PPP1R1C: variants seen among roughly 807,000 people sequenced by gnomAD.
The protein encoded by PPP1R1C is protein phosphatase 1 regulatory subunit 1C.
A neutral mutation model predicts 17.4 loss-of-function variants in PPP1R1C; 15 were observed. That is an observed-to-expected ratio of 0.86 (90% CI 0.58 to 1.33). The LOEUF (loss-of-function observed/expected upper bound fraction) is 1.33, where lower values mean the gene tolerates loss of function less well. PPP1R1C is among the 40% of genes most tolerant of loss of function. The pLI, the probability that PPP1R1C is intolerant of heterozygous loss-of-function variation, is 0.00. For synonymous variants in PPP1R1C, 35 were observed against 43.1 expected, an observed-to-expected ratio of 0.81 and a Z score of 0.73; for missense variants, 143 against 130.0, an observed-to-expected ratio of 1.10 and a Z score of -0.48.
exon 6 of PPP1R1C, chr2:182,129,998 A>G (rs1365903041): frequency 6.6e-6 from 1 of 152,152 alleles, no homozygotes; most frequent in Non-Finnish European, 1.5e-5. Flanking sequence ...TAATAAAAAA[A>G]GTACATGGTT....
intron 1 of PPP1R1C, among the ~76,000 whole-genome samples, chr2:181,958,004 G>T (rs1684699353): frequency 6.6e-6 from 1 of 152,206 alleles, no homozygotes; most frequent in Non-Finnish European, 1.5e-5. Context: ...ATTTTGAAGG[G>T]TAGTGAGGGA....
chr2:181,968,167 CT>C (rs1684939235), intron 1 of PPP1R1C, among the ~76,000 whole-genome samples: 1 of 152,138 alleles, frequency 6.6e-6, no homozygotes, highest in Admixed American at 6.5e-5. Context: ...ATTATGTATT[CT>C]TTAGTTGTTG....
At chr2:182,116,614 A>C (rs2125237551) in intron 4 of PPP1R1C, among the ~76,000 whole-genome samples, 1 of 152,340 alleles carries the variant, frequency 6.6e-6, no homozygotes, top group East Asian at 1.9e-4. Context: ...GAAATGGTAG[A>C]GAGCCCAGAT....
intron 4 of PPP1R1C, among the ~76,000 whole-genome samples, chr2:182,101,465 C>A (rs190748221): frequency 1.3e-5 from 2 of 152,224 alleles, no homozygotes; most frequent in East Asian, 3.9e-4. Flanking sequence ...GTGGTGATTT[C>A]TTTTTACTGC....
rs1314148177 is a variant in PPP1R1C, at chr2:182,063,815, G to A, written c.241+24G>A. On this transcript the variant is annotated intron_variant, in intron 4 of 4. Transcript: ENST00000682840. ...AGGTACTGTTCAGGTACTGTTTCGG[G>A]TTGTCATGAGTGGTGAATCATGGCT... is the stretch of plus-strand genomic sequence containing the variant. 1.5e-5 allele frequency: 24 copies of A among 1,594,792 alleles called. No homozygotes were observed. In the Middle Eastern group the frequency reaches 1.2e-3, roughly 77 times the overall value.
At chr2:181,971,663 A>G (rs914518925) in intron 1 of PPP1R1C, among the ~76,000 whole-genome samples, 1 of 152,146 alleles carries the variant, frequency 6.6e-6, no homozygotes, top group African/African-American at 2.4e-5. Flanking sequence ...TCCTTGAGGC[A>G]TAGATTGCCT....
chr2:182,121,877 T>G (rs985974044), downstream of PPP1R1C, among the ~76,000 whole-genome samples: 3 of 152,140 alleles, frequency 2.0e-5, no homozygotes, highest in Non-Finnish European at 4.4e-5. Flanking sequence ...TGTTAAACTC[T>G]CCCCTTCTAC....
chr2:181,986,171 G>A lies in PPP1R1C; in HGVS notation c.61G>A (p.Ala21Thr). The A allele has an allele frequency of 6.2e-7, 1 of 1,613,486 alleles. No homozygotes were observed. The highest frequency in any genetic ancestry group is 8.5e-7 in the Non-Finnish European group (1 of 1,179,468). Residue 21 changes from alanine to threonine, a missense_variant, in exon 1 of 5, where the codon GCA becomes ACA. Physicochemically the swap from Ala to Thr is moderately conservative, Grantham distance 58. Coordinates refer to ENST00000682840, the MANE Select transcript of PPP1R1C (RefSeq NM_001080545.3). ...FAVPVFQSQI[A>T]PEAAEQIRKR... ...CGTGCCTGTATTCCAGAGTCAGATT[G>A]CACCTGAAGCAGCAGAGCAGGTATG...
At chr2:182,030,045 C>G (rs1199563138) in intron 2 of PPP1R1C, among the ~76,000 whole-genome samples, 1 of 118,578 alleles carries the variant, frequency 8.4e-6, no homozygotes, top group African/African-American at 3.3e-5. Context: ...AGTTCTCGAG[C>G]CTTGGTTTTC....
chr2:182,077,651 G>T (rs748667026), intron 4 of PPP1R1C, among the ~76,000 whole-genome samples: 5 of 152,120 alleles, frequency 3.3e-5, no homozygotes, highest in Non-Finnish European at 7.4e-5. Flanking sequence ...ATAATGTTCT[G>T]TTCTACCCCT....
exon 6 of PPP1R1C, chr2:182,129,146 T>C (rs1689945462): frequency 6.6e-6 from 1 of 152,142 alleles, no homozygotes; most frequent in South Asian, 2.1e-4. Flanking sequence ...ACATAAGTAT[T>C]GACATGTTTT....
chr2:181,972,954 T>G (rs1251013844), intron 1 of PPP1R1C, among the ~76,000 whole-genome samples: 1 of 152,182 alleles, frequency 6.6e-6, no homozygotes, highest in African/African-American at 2.4e-5. Context: ...GCTTCCAAAC[T>G]CATTATGCAT....
At chr2:181,963,177 T>C (rs1412848381) in intron 1 of PPP1R1C, among the ~76,000 whole-genome samples, 1 of 152,188 alleles carries the variant, frequency 6.6e-6, no homozygotes, top group Non-Finnish European at 1.5e-5. Context: ...AAGATCATTA[T>C]AAATAGCAAC....
intron 2 of PPP1R1C, among the ~76,000 whole-genome samples, chr2:182,035,229 G>C (rs1686968111): frequency 6.6e-6 from 1 of 152,172 alleles, no homozygotes; most frequent in African/African-American, 2.4e-5. Flanking sequence ...AAAGTTTATA[G>C]CATGAATGAA....
intron 2 of PPP1R1C, among the ~76,000 whole-genome samples, chr2:182,007,643 G>T (rs917994643): frequency 6.6e-6 from 1 of 152,146 alleles, no homozygotes; most frequent in Non-Finnish European, 1.5e-5. Flanking sequence ...TCTTTTCCCA[G>T]GCCATGTTTT....
In PPP1R1C at chr2:181,976,061, T is replaced by A. The variant is rs1685086886; in HGVS notation, n.157+797T>A. ...TGGCTCTTAATTTTTTATTAAAAAA[T>A]TCAAATGTGCTCATTGTATAACATA... is the stretch of plus-strand genomic sequence containing the variant. On this transcript the variant is annotated intron_variant and non_coding_transcript_variant, in intron 2 of 5. Transcript: ENST00000464264. The surrounding 1 kb of genome is among the most constrained non-coding windows in gnomAD (Gnocchi z 4.8). Among the ~76,000 whole-genome samples the A allele has an allele frequency of 6.6e-6, 1 of 152,106 alleles. No homozygotes were observed. Among genetic ancestry groups the A allele is most frequent in the African/African-American group, 2.4e-5 (1 of 41,448 alleles).
At chr2:182,086,846 A>T (rs1688642602) in intron 4 of PPP1R1C, among the ~76,000 whole-genome samples, 1 of 152,092 alleles carries the variant, frequency 6.6e-6, no homozygotes, top group South Asian at 2.1e-4. Context: ...GGTCTGACAG[A>T]GATCTTAAAC....
Position 182,063,185 on chromosome 2 carries a change from C to CTT in PPP1R1C, c.181-538_181-537dup, listed in dbSNP as rs373396727. 3.9e-3 allele frequency among the ~76,000 whole-genome samples: 590 copies of CTT among 151,082 alleles called. 6 individuals are homozygous for CTT. The highest frequency in any genetic ancestry group is 0.014 in the African/African-American group (565 of 41,216). On this transcript the variant is annotated intron_variant, in intron 3 of 4. Transcript: ENST00000682840. ...ACAGTTTTATTAGGAAAGGACTTAT[C>CTT]TTTTTTTTTAACATATGAAGAATGT...
chr2:182,102,318 CTT>C (rs1689121887), intron 4 of PPP1R1C, among the ~76,000 whole-genome samples: 1 of 152,134 alleles, frequency 6.6e-6, no homozygotes, highest in Non-Finnish European at 1.5e-5. Flanking sequence ...TTTCTAGTAA[CTT>C]TTGTGAGATG....
Sources: allele counts gnomAD v4.1 joint callset (sites outside exome capture counted in the v4.1 genomes callset), GRCh38; gene constraint gnomAD v4.1.1; non-coding constraint Gnocchi (gnomAD v3.1); transcripts MANE v1.5; gene names NCBI Gene and HGNC (gene_info 2026-07-23, HGNC 2026-07-21).